RUNX1T1: variants seen among roughly 807,000 people sequenced by gnomAD.
The protein encoded by RUNX1T1 is RUNX1 partner transcriptional co-repressor 1, also known as protein CBFA2T1.
RUNX1T1 carries 4 observed loss-of-function variants against 62.8 expected under a neutral mutation model. That is an observed-to-expected ratio of 0.06 (90% CI 0.03 to 0.15). The LOEUF (loss-of-function observed/expected upper bound fraction) is 0.15. Among genes scored for constraint, RUNX1T1 ranks in the 10% least tolerant of loss-of-function variants. The pLI, the probability that RUNX1T1 is intolerant of heterozygous loss-of-function variation, is 1.00. For synonymous variants in RUNX1T1, 291 were observed against 286.0 expected (o/e 1.02, Z -0.18); for missense variants, 508 against 754.3 (o/e 0.67, Z 3.82).
intron 1 of RUNX1T1, among the ~76,000 whole-genome samples, chr8:92,038,046 C>CTTTCTTTATTTATTTATTTA (rs71563485): frequency 1.1e-4 from 17 of 149,984 alleles, no homozygotes; most frequent in African/African-American, 4.2e-4. Context: ...CAAAATTCTT[C>CTTTCTTTATTTATTTATTTA]TTTATTTATT....
exon 6 of RUNX1T1, chr8:91,991,784 T>G: frequency 6.2e-7 from 1 of 1,614,126 alleles, no homozygotes; most frequent in Non-Finnish European, 8.5e-7. Flanking sequence ...GCTGGTAGGA[T>G]AAGCCGTTAT....
At chr8:92,030,082 T>C (rs1424688539) in intron 1 of RUNX1T1, among the ~76,000 whole-genome samples, 4 of 152,148 alleles carry the variant, frequency 2.6e-5, no homozygotes, top group Non-Finnish European at 2.9e-5. Flanking sequence ...TCATGCCTCA[T>C]TGGTTTAATC....
At chr8:92,079,561 T>C (rs911979068) in intron 1 of RUNX1T1, among the ~76,000 whole-genome samples, 4 of 152,202 alleles carry the variant, frequency 2.6e-5, no homozygotes, top group African/African-American at 9.7e-5. Context: ...TCATCGCAGG[T>C]CATGTGAACT....
downstream of RUNX1T1, chr8:91,956,641 T>C (rs563736645): frequency 2.8e-4 from 63 of 225,032 alleles, no homozygotes; most frequent in Admixed American, 4.6e-4. Flanking sequence ...TCAGACATAG[T>C]AGACTTAAAA....
intron 1 of RUNX1T1, chr8:92,095,569 A>C (rs572631957): frequency 2.1e-6 from 3 of 1,450,264 alleles, no homozygotes; most frequent in Non-Finnish European, 2.7e-6. Context: ...GCAGGAAAAT[A>C]AACAGAGGGT....
At chr8:91,969,609 C>A (rs886746214) in intron 10 of RUNX1T1, among the ~76,000 whole-genome samples, 6 of 152,122 alleles carry the variant, frequency 3.9e-5, no homozygotes, top group Non-Finnish European at 8.8e-5. Flanking sequence ...TCCCTTTGTC[C>A]CTCTTTTCCT....
chr8:91,969,287 G>T lies in RUNX1T1; in HGVS notation c.1458+1371C>A, dbSNP rs544804126. Among the ~76,000 whole-genome samples, 86 of 152,236 alleles carry T rather than the reference G, an allele frequency of 5.6e-4. 1 individual carries two copies. In the South Asian group the frequency reaches 0.018, roughly 31 times the overall value. ...CAGCATGTTACTGCCTGAGTACAAAGACTTAATTGACAATTTCTTCCTAGA... is the reference window on the plus strand; with the variant it reads ...CAGCATGTTACTGCCTGAGTACAAATACTTAATTGACAATTTCTTCCTAGA... On this transcript the variant is annotated intron_variant, in intron 10 of 10. Coordinates refer to ENST00000396218, the Ensembl canonical transcript of RUNX1T1.
chr8:92,013,205 A>G (rs1002776566), intron 3 of RUNX1T1, among the ~76,000 whole-genome samples: 5 of 152,252 alleles, frequency 3.3e-5, no homozygotes, highest in Non-Finnish European at 5.9e-5. Flanking sequence ...AGAATGAATA[A>G]AAAGGAAAAG....
intron 1 of RUNX1T1, among the ~76,000 whole-genome samples, chr8:92,024,567 T>C (rs9297901): frequency 0.24 from 36,077 of 147,294 alleles, 4,882 homozygotes; most frequent in African/African-American, 0.36. Flanking sequence ...TAAACTCCAC[T>C]GAAATTCTTC....
At chr8:92,090,065 C>T (rs917015009) in intron 1 of RUNX1T1, among the ~76,000 whole-genome samples, 2 of 151,664 alleles carry the variant, frequency 1.3e-5, no homozygotes, top group African/African-American at 4.8e-5. Flanking sequence ...GTCTGCCCTT[C>T]GCCTTCTGAG....
Position 92,062,449 on chromosome 8 carries a change from C to A in RUNX1T1, c.7+97G>T, listed in dbSNP as rs556615101. 3 of 1,339,712 alleles carry A rather than the reference C, an allele frequency of 2.2e-6. No homozygotes were observed. The East Asian group carries it at 6.9e-5, about 31-fold the overall frequency. 83.0% of individuals were successfully genotyped at this position (1,339,712 alleles called of 1,614,324 possible). Reference sequence around the variant, plus strand: ...AGCCTCTTCCTGCCCACATCAGATACAACACGCTGTGGGGCAGAAGGTATT... The same window carrying A: ...AGCCTCTTCCTGCCCACATCAGATAAAACACGCTGTGGGGCAGAAGGTATT... On this transcript the variant is annotated intron_variant, in intron 1 of 10. Transcript: ENST00000396218.
Position 92,003,214 on chromosome 8 carries a change from G to A in RUNX1T1, c.659+1902C>T, listed in dbSNP as rs182201323. The A allele has an allele frequency of 2.3e-3, 894 of 386,924 alleles. 4 individuals are homozygous for A. Among genetic ancestry groups the A allele is most frequent in the African/African-American group, 0.015 (739 of 48,622 alleles). The allele number at this position is 386,924 out of a possible 1,614,324, so 24.0% of individuals were successfully genotyped here. A position where few individuals can be genotyped will look rare whatever the true frequency, so the allele number is the denominator to read the frequency against. ...ATGCATACACTGATGCATGCACAGC[G>A]ACAGAGCATCAAAACAAGAATGCTG... On this transcript the variant is annotated intron_variant, in intron 5 of 10. Coordinates refer to ENST00000396218, the Ensembl canonical transcript of RUNX1T1.
intron 1 of RUNX1T1, among the ~76,000 whole-genome samples, chr8:92,024,938 T>C (rs1280322489): frequency 1.3e-5 from 2 of 152,186 alleles, no homozygotes; most frequent in African/African-American, 2.4e-5. Context: ...AACCCCTGTA[T>C]TGTGGGAATA....
intron 1 of RUNX1T1, among the ~76,000 whole-genome samples, chr8:92,039,144 GTTT>G (rs71563486): frequency 2.2e-5 from 3 of 137,112 alleles, no homozygotes; most frequent in Non-Finnish European, 1.6e-5. Context: ...TTTTGTTGTT[GTTT>G]TTTTTTTTTT....
intron 4 of RUNX1T1, 115 bp downstream of exon 5, chr8:92,010,887 T>C: frequency 4.8e-6 from 3 of 625,188 alleles, no homozygotes; most frequent in Non-Finnish European, 8.7e-6. Context: ...ATTCAGATAG[T>C]TTTCATCCAT....
chr8:91,985,998 G>T, intron 8 of RUNX1T1, 126 bp downstream of exon 9: 1 of 740,902 alleles, frequency 1.3e-6, no homozygotes, highest in Non-Finnish European at 2.4e-6. Flanking sequence ...CATATTGGAG[G>T]ATATGTAAAT....
At chr8:91,955,936 A>C (rs1379205026), downstream of RUNX1T1, 3 of 229,770 alleles carry the variant, frequency 1.3e-5, no homozygotes, top group East Asian at 1.9e-4. Context: ...AGTTGGAGAT[A>C]GCCACAGTGG....
At chr8:91,961,946 TC>T (rs1352239838) in intron 10 of RUNX1T1, among the ~76,000 whole-genome samples, 2 of 152,228 alleles carry the variant, frequency 1.3e-5, no homozygotes, top group Non-Finnish European at 2.9e-5. Context: ...CCTACTGTGT[TC>T]TCTACATTTG....
At chr8:92,008,660 G>T (rs968260563) in intron 4 of RUNX1T1, among the ~76,000 whole-genome samples, 5 of 151,992 alleles carry the variant, frequency 3.3e-5, no homozygotes, top group Non-Finnish European at 5.9e-5. Flanking sequence ...GATGTCTTTT[G>T]GCAAAGCATT....
Sources: gnomAD v4.1 joint callset for allele counts (sites outside exome capture counted in the v4.1 genomes callset) on GRCh38, gnomAD v4.1.1 for gene constraint, MANE v1.5 for transcripts, NCBI Gene and HGNC (gene_info 2026-07-23, HGNC 2026-07-21) for gene names.